Variants in ADGRG5 observed in about 807,000 individuals in gnomAD.
The protein encoded by ADGRG5 is G protein-coupled receptor 114.
A neutral mutation model predicts 53.2 loss-of-function variants in ADGRG5; 37 were observed. That is an observed-to-expected ratio of 0.70 (90% CI 0.53 to 0.91). The LOEUF is 0.91. Ranked by LOEUF, ADGRG5 falls within the 40% of genes least tolerant of loss-of-function variation. The pLI is 0.00. For missense variants in ADGRG5, 614 were observed against 675.8 expected (o/e 0.91, Z 1.01); for synonymous variants, 277 against 290.4 (o/e 0.95, Z 0.47).
the ADGRG5 span, chr16:57,529,212 G>T: frequency 3.5e-6 from 4 of 1,158,502 alleles, no homozygotes; most frequent in Non-Finnish European, 4.3e-6. The surrounding 1 kb of genome is among the most constrained non-coding windows in gnomAD (Gnocchi z 4.1). Context: ...TCGAACTCGC[G>T]GTCGGGCTCA....
intron 1 of ADGRG5, among the ~76,000 whole-genome samples, chr16:57,558,057 G>A (rs967731536): frequency 6.6e-6 from 1 of 152,202 alleles, no homozygotes; most frequent in Non-Finnish European, 1.5e-5. Context: ...CTAGAAATTG[G>A]AATATTTCTT....
chr16:57,557,777 C>T (rs1449686506), intron 1 of ADGRG5, among the ~76,000 whole-genome samples: 2 of 152,230 alleles, frequency 1.3e-5, no homozygotes, highest in African/African-American at 4.8e-5. Flanking sequence ...AGGAATTCTT[C>T]ATCACTGATA....
chr16:57,570,667 G>A (rs2033328826), intron 10 of ADGRG5, 132 bp downstream of exon 10: 2 of 666,882 alleles, frequency 3.0e-6, no homozygotes, highest in South Asian at 3.5e-5. Flanking sequence ...GGCTTAGACA[G>A]GGGAGTTTGC....
intron 6 of ADGRG5, 58 bp from the exon 7 acceptor site, chr16:57,566,541 G>C: frequency 7.3e-7 from 1 of 1,364,330 alleles, no homozygotes. Context: ...AGGACTCCCA[G>C]ACACTGATCT....
chr16:57,529,208 T>A, the ADGRG5 span: 10 of 1,160,490 alleles, frequency 8.6e-6, no homozygotes, highest in Non-Finnish European at 9.6e-6. The surrounding 1 kb of genome is among the most constrained non-coding windows in gnomAD (Gnocchi z 4.1). Flanking sequence ...GAGCTCGAAC[T>A]CGCGGTCGGG....
chr16:57,553,006 A>G (rs1304774553), intron 1 of ADGRG5, among the ~76,000 whole-genome samples: 3 of 152,166 alleles, frequency 2.0e-5, no homozygotes, highest in Non-Finnish European at 4.4e-5. Flanking sequence ...AAACACATAC[A>G]TTTATTGGTT....
chr16:57,574,424 G>A lies in ADGRG5; in HGVS notation c.1209-391G>A, dbSNP rs1329464340. The stretch of plus-strand genomic sequence containing the variant: ...GACAACCATGTAGTGGGGTGGAAGG[G>A]GAAGTTTCCAGGAAAGAGGGCTCCG... On this transcript the variant is annotated intron_variant, in intron 10 of 11. Transcript: ENST00000349457. This position sits in a 1 kb window ranked among gnomAD's most constrained non-coding sequence, Gnocchi z 4.4. Among the ~76,000 whole-genome samples, 2 of 152,242 alleles carry A rather than the reference G, an allele frequency of 1.3e-5. No individual in the cohort carries two copies. Among genetic ancestry groups the A allele is most frequent in the African/African-American group, 4.8e-5 (2 of 41,462 alleles).
chr16:57,534,041 T>C, the ADGRG5 span, among the ~76,000 whole-genome samples: 1 of 152,216 alleles, frequency 6.6e-6, no homozygotes, highest in Non-Finnish European at 1.5e-5. Context: ...GACAGGTCTA[T>C]TACTGCTTTA....
intron 1 of ADGRG5, among the ~76,000 whole-genome samples, chr16:57,555,565 T>G (rs1443426472): frequency 2.6e-5 from 4 of 152,238 alleles, no homozygotes. Context: ...ATTTTGCAAC[T>G]ATAAGTGTTG....
chr16:57,574,921 C>T lies in ADGRG5; in HGVS notation c.1315C>T (p.Arg439Cys), dbSNP rs369909191. 1.8e-5 allele frequency: 29 copies of T among 1,612,978 alleles called. No homozygotes were observed. In the East Asian group the frequency reaches 2.7e-4, roughly 15 times the overall value. ...GCTGGCCTGGGCGCTGTGGACCCTG[C>T]GCAGGCTGCGGGAGCGGGCGGATGC... is the stretch of plus-strand genomic sequence containing the variant. ...VVLAWALWTL[R>C]RLRERADAPS... Residue 439 changes from arginine (R) to cysteine (C), a missense_variant, in exon 11 of 12, where the codon CGC becomes TGC. Arg to Cys is a radical substitution (Grantham distance 180). Transcript: ENST00000349457. The surrounding 1 kb of genome is among the most constrained non-coding windows in gnomAD (Gnocchi z 4.4).
At position 57,567,849 on chromosome 16, in the gene ADGRG5, C is replaced by T. The variant is rs1160329381; in HGVS notation, c.822-7C>T. On this transcript the variant is annotated splice_polypyrimidine_tract_variant and splice_region_variant and intron_variant, in intron 8 of 11. Transcript: ENST00000349457. ...TGGGCCATGGAGGACCATTCTCTCA[C>T]CTGCAGGAAGCAGAGTGACTCCTTA... is the stretch of plus-strand genomic sequence containing the variant. 1.9e-6 allele frequency: 3 copies of T among 1,605,188 alleles called. No individual in the cohort carries two copies. The highest frequency in any genetic ancestry group is 2.5e-6 in the Non-Finnish European group (3 of 1,177,870).
intron 1 of ADGRG5, among the ~76,000 whole-genome samples, chr16:57,553,348 G>A (rs1234036294): frequency 6.6e-6 from 1 of 152,184 alleles, no homozygotes; most frequent in South Asian, 2.1e-4. Flanking sequence ...GTTAAATTTT[G>A]TATGTGCTTC....
At chr16:57,538,989 G>A (rs1352269203), upstream of ADGRG5, among the ~76,000 whole-genome samples, 1 of 152,136 alleles carries the variant, frequency 6.6e-6, no homozygotes, top group African/African-American at 2.4e-5. Context: ...AGCTAGAAAC[G>A]TTCTCTTTGT....
chr16:57,560,606 A>C lies in ADGRG5; in HGVS notation c.-38-1450A>C, dbSNP rs59661313. On this transcript the variant is annotated intron_variant, in intron 1 of 11. Coordinates refer to ENST00000349457, the MANE Select transcript of ADGRG5 (RefSeq NM_001304376.3). Reference sequence around the variant, plus strand: ...AGGATGTGGGGAGGGGATATTGCTTAATTCCCCCTTCTGTTCTGATTATGG... The same window carrying C: ...AGGATGTGGGGAGGGGATATTGCTTCATTCCCCCTTCTGTTCTGATTATGG... Among the ~76,000 whole-genome samples the C allele has an allele frequency of 3.3e-5, 5 of 152,104 alleles. No homozygotes were observed. In the South Asian group the frequency reaches 8.3e-4, roughly 25 times the overall value.
rs369916884 is a variant in ADGRG5, at chr16:57,563,093, A to T, written c.143A>T (p.Gln48Leu). The change falls in exon 4 of 12, where the codon CAA (glutamine) becomes CTA (leucine). Residue 48 changes from glutamine to leucine, a missense_variant and splice_region_variant. Transcript: ENST00000349457. ...CTGGCCATCTCTCTGGGCTGCAGTCAACTCCACCAGCTGGAGCAGATGCTA... is the reference window on the plus strand; with the variant it reads ...CTGGCCATCTCTCTGGGCTGCAGTCTACTCCACCAGCTGGAGCAGATGCTA... ...RGRSSVFSSRQLHQLEQMLLN... is the reference protein window; with the variant it reads ...RGRSSVFSSRLLHQLEQMLLN... The T allele has an allele frequency of 1.2e-6, 2 of 1,614,070 alleles. No homozygotes were observed. The highest frequency in any genetic ancestry group is 1.7e-6 in the Non-Finnish European group (2 of 1,180,012).
At chr16:57,567,614 G>T (rs753074169) in intron 8 of ADGRG5, 23 bp downstream of exon 8, 1 of 1,606,508 alleles carries the variant, frequency 6.2e-7, no homozygotes, top group Non-Finnish European at 8.5e-7. Flanking sequence ...CACAGTGCTG[G>T]GCCTGCCCTG....
chr16:57,536,929 A>G, the ADGRG5 span, among the ~76,000 whole-genome samples: 3 of 152,128 alleles, frequency 2.0e-5, no homozygotes, highest in African/African-American at 4.8e-5. Flanking sequence ...CGGCACGTGG[A>G]GCGAGCTTAC....
chr16:57,558,021 A>G (rs1471353347), intron 1 of ADGRG5, among the ~76,000 whole-genome samples: 1 of 152,272 alleles, frequency 6.6e-6, no homozygotes, highest in Non-Finnish European at 1.5e-5. Flanking sequence ...GTAATGGAAC[A>G]GTAGTAAAGT....
intron 1 of ADGRG5, among the ~76,000 whole-genome samples, chr16:57,544,342 C>T (rs932088777): frequency 6.6e-6 from 1 of 152,076 alleles, no homozygotes; most frequent in Non-Finnish European, 1.5e-5. Context: ...TGAAATGGCT[C>T]AGCGTGTGGG....
Sources: allele counts gnomAD v4.1 joint callset (sites outside exome capture counted in the v4.1 genomes callset), GRCh38; gene constraint gnomAD v4.1.1; non-coding constraint Gnocchi (gnomAD v3.1); transcripts MANE v1.5; gene names NCBI Gene and HGNC (gene_info 2026-07-23, HGNC 2026-07-21).